Variants in LNPEP observed in about 807,000 individuals in gnomAD.
The protein encoded by LNPEP is leucyl-cystinyl aminopeptidase.
A neutral mutation model predicts 120.6 loss-of-function variants in LNPEP; 64 were observed. The observed-to-expected ratio is 0.53, with a 90% CI of 0.43 to 0.65. The LOEUF (loss-of-function observed/expected upper bound fraction) is 0.65, where lower values mean the gene tolerates loss of function less well. LNPEP is among the 30% of genes least tolerant of loss of function. The probability of loss-of-function intolerance (pLI) is 0.00; values close to 1 mark genes in which losing one functional copy is unlikely to be tolerated. For synonymous variants in LNPEP, 435 were observed against 425.4 expected, an observed-to-expected ratio of 1.02 and a Z score of -0.28; for missense variants, 1,057 against 1,200.0, an observed-to-expected ratio of 0.88 and a Z score of 1.76.
rs1247555839 is a variant in LNPEP, at chr5:97,035,277, T to C, written c.*6744T>C. 1 of 152,070 alleles carries C rather than the reference T, an allele frequency of 6.6e-6. No individual in the cohort carries two copies. The highest frequency in any genetic ancestry group is 1.5e-5 in the Non-Finnish European group (1 of 67,978). 9.4% of individuals were successfully genotyped at this position (152,070 alleles called of 1,614,324 possible). ...ATGTTATTGGTTTTGTACCTAGTCC[T>C]TTGCATGGATATATAGGTACCTAAT... is the stretch of plus-strand genomic sequence containing the variant. On this transcript the variant is annotated 3_prime_UTR_variant, in exon 18 of 18. Coordinates refer to ENST00000231368, the MANE Select transcript of LNPEP (RefSeq NM_005575.3).
chr5:96,969,827 C>A (rs1411811449), intron 1 of LNPEP, among the ~76,000 whole-genome samples: 1 of 150,932 alleles, frequency 6.6e-6, no homozygotes. Context: ...TATTTTTAAA[C>A]CTTTTCCCAA....
At chr5:96,995,824 T>G (rs1233011495) in intron 6 of LNPEP, among the ~76,000 whole-genome samples, 2 of 152,284 alleles carry the variant, frequency 1.3e-5, no homozygotes, top group East Asian at 3.9e-4. Flanking sequence ...GCCCAGCCTG[T>G]ATATGTCAAC....
chr5:97,023,921 G>A (rs1235064029), intron 14 of LNPEP, among the ~76,000 whole-genome samples: 1 of 152,160 alleles, frequency 6.6e-6, no homozygotes, highest in African/African-American at 2.4e-5. Context: ...TGATAAACAA[G>A]TCTCTTAATT....
chr5:96,975,957 G>T (rs1308846926), intron 1 of LNPEP, among the ~76,000 whole-genome samples: 8 of 152,094 alleles, frequency 5.3e-5, no homozygotes, highest in African/African-American at 1.9e-4. Flanking sequence ...TCAGTAGAAG[G>T]TTCTTTGCTT....
Position 96,954,768 on chromosome 5 carries a change from ATATATTT to A in LNPEP, c.19+18596_19+18602del, listed in dbSNP as rs1305404520. The stretch of plus-strand genomic sequence containing the variant: ...TATACACATATATATATATATATAT[ATATATTT>A]TTTTTTTTTTTTTTTTTTTTTTTTT... On this transcript the variant is annotated intron_variant, in intron 1 of 17. Transcript: ENST00000231368. Among the ~76,000 whole-genome samples the A allele has an allele frequency of 2.2e-3, 78 of 36,094 alleles. 12 individuals are homozygous for A. The highest frequency in any genetic ancestry group is 6.4e-3 in the South Asian group (9 of 1,406). The allele number at this position is 36,094 out of a possible 152,430, so 23.7% of individuals were successfully genotyped here.
intron 1 of LNPEP, among the ~76,000 whole-genome samples, chr5:96,967,663 T>C (rs1789762276): frequency 6.6e-6 from 1 of 152,122 alleles, no homozygotes; most frequent in South Asian, 2.1e-4. Flanking sequence ...AGAAGGACCT[T>C]GTTAACCTTA....
At chr5:96,982,234 C>T in intron 2 of LNPEP, among the ~76,000 whole-genome samples, 1 of 152,174 alleles carries the variant, frequency 6.6e-6, no homozygotes, top group Non-Finnish European at 1.5e-5. Context: ...GGTGCACTGC[C>T]TCTCTAGTTC....
intron 4 of LNPEP, among the ~76,000 whole-genome samples, chr5:96,990,421 T>C (rs1471491857): frequency 2.0e-5 from 3 of 152,222 alleles, no homozygotes; most frequent in Non-Finnish European, 4.4e-5. Context: ...TTTAGAAAGC[T>C]ACATATTTTT....
chr5:96,963,577 T>G (rs191591045), intron 1 of LNPEP, among the ~76,000 whole-genome samples: 2 of 152,292 alleles, frequency 1.3e-5, no homozygotes, highest in African/African-American at 4.8e-5. Context: ...TAGTAAAAGA[T>G]AAATGTTGAA....
chr5:96,968,515 G>T (rs539877144), intron 1 of LNPEP, among the ~76,000 whole-genome samples: 1 of 152,018 alleles, frequency 6.6e-6, no homozygotes, highest in East Asian at 1.9e-4. Flanking sequence ...CCCATTTAAG[G>T]ATTTCTTTAT....
intron 16 of LNPEP, among the ~76,000 whole-genome samples, chr5:97,027,352 C>CA (rs532880827): frequency 0.053 from 6,688 of 127,172 alleles, 290 homozygotes; most frequent in African/African-American, 0.12. Context: ...GACTCCGTCT[C>CA]AAAAAAAAAA....
At chr5:97,014,828 A>G in intron 12 of LNPEP, 111 bp from the exon 13 acceptor site, 1 of 628,988 alleles carries the variant, frequency 1.6e-6, no homozygotes, top group East Asian at 3.1e-5. Context: ...TGTAAGTTTA[A>G]ATTTTTGGTC....
At chr5:96,941,873 G>A (rs1789062834) in intron 1 of LNPEP, among the ~76,000 whole-genome samples, 2 of 152,210 alleles carry the variant, frequency 1.3e-5, no homozygotes, top group Admixed American at 1.3e-4. Context: ...TGGGGGTAAA[G>A]GAAGAAGCTG....
Position 96,961,515 on chromosome 5 carries a change from T to A in LNPEP, c.20-17623T>A, listed in dbSNP as rs577856669. On this transcript the variant is annotated intron_variant, in intron 1 of 17. Transcript: ENST00000231368. Reference sequence around the variant, plus strand: ...TCTCTTTAAAAAGCTTACAGTTTTTTAAAATAGCAATAGCTATTTTTTAAA... The same window carrying A: ...TCTCTTTAAAAAGCTTACAGTTTTTAAAAATAGCAATAGCTATTTTTTAAA... Among the ~76,000 whole-genome samples the A allele has an allele frequency of 8.9e-4, 136 of 152,298 alleles. 1 individual carries two copies. The highest frequency in any genetic ancestry group is 3.1e-3 in the African/African-American group (130 of 41,564).
intron 4 of LNPEP, among the ~76,000 whole-genome samples, chr5:96,987,955 C>T (rs745894468): frequency 7.9e-5 from 12 of 152,182 alleles, no homozygotes; most frequent in Non-Finnish European, 1.3e-4. Flanking sequence ...CTGAATACTA[C>T]GTTCTCCATG....
At chr5:96,958,055 G>T (rs1346034785) in intron 1 of LNPEP, among the ~76,000 whole-genome samples, 3 of 152,318 alleles carry the variant, frequency 2.0e-5, no homozygotes, top group East Asian at 3.9e-4. Context: ...AATTTTACCT[G>T]TTGGCATTTC....
chr5:97,027,571 C>A (rs1791374655), intron 16 of LNPEP, among the ~76,000 whole-genome samples, 162 bp from the exon 17 acceptor site: 1 of 152,138 alleles, frequency 6.6e-6, no homozygotes, highest in Non-Finnish European at 1.5e-5. Flanking sequence ...TTCCTTCCCA[C>A]CGACAATAAG....
intron 1 of LNPEP, among the ~76,000 whole-genome samples, chr5:96,951,548 G>T (rs1467920949): frequency 6.6e-6 from 1 of 151,972 alleles, no homozygotes; most frequent in African/African-American, 2.4e-5. Flanking sequence ...GTGAGCCACC[G>T]CACCTGGCGG....
chr5:96,950,494 T>C (rs1490475934), intron 1 of LNPEP, among the ~76,000 whole-genome samples: 1 of 152,254 alleles, frequency 6.6e-6, no homozygotes, highest in African/African-American at 2.4e-5. Context: ...AGCTTTCATG[T>C]AGCCTTATGG....
Sources: allele counts gnomAD v4.1 joint callset (sites outside exome capture counted in the v4.1 genomes callset), GRCh38; gene constraint gnomAD v4.1.1; transcripts MANE v1.5; gene names NCBI Gene and HGNC (gene_info 2026-07-23, HGNC 2026-07-21).